Variants in MTFR1 observed in about 807,000 individuals in gnomAD.
MTFR1 encodes mitochondrial fission regulator 1, also known as chondrocyte protein with a poly-proline region.
A neutral mutation model predicts 38.8 loss-of-function variants in MTFR1; 28 were observed. That is an observed-to-expected ratio of 0.72 (90% CI 0.53 to 0.99). The LOEUF is 0.99. Ranked by LOEUF, MTFR1 falls within the 50% of genes least tolerant of loss-of-function variation. The pLI is 0.00. For synonymous variants in MTFR1, 145 were observed against 137.0 expected (o/e 1.06, Z -0.41); for missense variants, 358 against 395.5 (o/e 0.91, Z 0.81).
chr8:65,717,473 A>T (rs1458901344), intron 2 of MTFR1: 1 of 151,992 alleles, frequency 6.6e-6, no homozygotes, highest in African/African-American at 2.4e-5. Flanking sequence ...CTCAAAGCTG[A>T]CCTCTCCCCT....
chr8:65,700,619 G>A (rs1032485324), intron 4 of MTFR1, among the ~76,000 whole-genome samples: 2 of 152,082 alleles, frequency 1.3e-5, no homozygotes, highest in Non-Finnish European at 2.9e-5. Flanking sequence ...TAAGGAGAAC[G>A]TATAGTCTGT....
chr8:65,674,862 GT>G (rs1237739402), intron 2 of MTFR1, among the ~76,000 whole-genome samples: 2 of 152,138 alleles, frequency 1.3e-5, no homozygotes, highest in Non-Finnish European at 2.9e-5. Flanking sequence ...GGTTCAGAGT[GT>G]TTAACTGCCT....
At chr8:65,698,978 T>C (rs1246606348) in intron 4 of MTFR1, among the ~76,000 whole-genome samples, 1 of 152,188 alleles carries the variant, frequency 6.6e-6, no homozygotes, top group African/African-American at 2.4e-5. Flanking sequence ...GTCACCTGCC[T>C]TGGCCTCCCA....
intron 1 of MTFR1, among the ~76,000 whole-genome samples, chr8:65,646,363 T>C (rs1808965484): frequency 6.6e-6 from 1 of 152,308 alleles, no homozygotes; most frequent in South Asian, 2.1e-4. Context: ...CTTGCTCTTT[T>C]AACTGTAACA....
intron 4 of MTFR1, among the ~76,000 whole-genome samples, chr8:65,704,450 G>A (rs1347916111): frequency 1.3e-5 from 2 of 152,164 alleles, no homozygotes; most frequent in Non-Finnish European, 2.9e-5. Context: ...TGATGGAGTT[G>A]GTTTGTGCAT....
intron 3 of MTFR1, among the ~76,000 whole-genome samples, chr8:65,743,465 G>A (rs563846775): frequency 6.6e-6 from 1 of 152,324 alleles, no homozygotes; most frequent in Non-Finnish European, 1.5e-5. Flanking sequence ...AGGGAGGCAG[G>A]AGGGTGGCTC....
chr8:65,648,950 G>T lies in MTFR1; in HGVS notation c.-81+4166G>T, dbSNP rs1809042107. 2.0e-5 allele frequency among the ~76,000 whole-genome samples: 3 copies of T among 151,754 alleles called. No individual in the cohort carries two copies. In the South Asian group the frequency reaches 6.3e-4, roughly 32 times the overall value. On this transcript the variant is annotated intron_variant, in intron 1 of 7. Coordinates refer to ENST00000262146, the MANE Select transcript of MTFR1 (RefSeq NM_014637.4). ...CCCTCCCTTGGTTACTTTTTGAAAT[G>T]GCCGATTTGATATATAGTCGGCCTT...
chr8:65,690,830 T>C (rs894400593), intron 3 of MTFR1, among the ~76,000 whole-genome samples: 15 of 152,192 alleles, frequency 9.9e-5, no homozygotes, highest in Non-Finnish European at 7.3e-5. Flanking sequence ...CTAACACTTA[T>C]ACAAAACAGC....
At chr8:65,695,451 G>A (rs1367056998) in intron 4 of MTFR1, among the ~76,000 whole-genome samples, 1 of 152,048 alleles carries the variant, frequency 6.6e-6, no homozygotes, top group African/African-American at 2.4e-5. Flanking sequence ...CCACCTCCCG[G>A]GTTCTATCAA....
downstream of MTFR1, among the ~76,000 whole-genome samples, chr8:65,713,452 AC>A (rs1806011918): frequency 7.7e-6 from 1 of 129,360 alleles, no homozygotes; most frequent in African/African-American, 3.0e-5. Flanking sequence ...ACACACACAC[AC>A]ACACACACAC....
intron 1 of MTFR1, among the ~76,000 whole-genome samples, chr8:65,645,492 T>C (rs527537317): frequency 6.6e-6 from 1 of 152,350 alleles, no homozygotes; most frequent in South Asian, 2.1e-4. Context: ...CCAGTTTCAG[T>C]AATTATCAAT....
chr8:65,739,725 A>G (rs909913612), intron 3 of MTFR1: 13 of 988,744 alleles, frequency 1.3e-5, no homozygotes, highest in African/African-American at 3.4e-5. Context: ...TGTCTATCAA[A>G]AATATGCATC....
At chr8:65,760,141 G>A (rs1030141002) in intron 3 of MTFR1, among the ~76,000 whole-genome samples, 1 of 152,148 alleles carries the variant, frequency 6.6e-6, no homozygotes, top group Non-Finnish European at 1.5e-5. Flanking sequence ...TTGAGAGGCT[G>A]AAACAGGAGA....
At chr8:65,711,232 C>A (rs1805935021), downstream of MTFR1, among the ~76,000 whole-genome samples, 2 of 152,160 alleles carry the variant, frequency 1.3e-5, no homozygotes, top group South Asian at 2.1e-4. Context: ...GTAGGACTTG[C>A]AGTCTTTAGT....
intron 3 of MTFR1, among the ~76,000 whole-genome samples, chr8:65,688,155 C>T (rs1224767437): frequency 6.8e-6 from 1 of 146,952 alleles, no homozygotes; most frequent in Non-Finnish European, 1.5e-5. Context: ...AATCCCAGCA[C>T]TTTGGAAGGC....
At chr8:65,744,127 C>T (rs927159098) in intron 3 of MTFR1, among the ~76,000 whole-genome samples, 1 of 152,140 alleles carries the variant, frequency 6.6e-6, no homozygotes, top group South Asian at 2.1e-4. Context: ...GCCACCACGC[C>T]CAGCCTAGCT....
intron 3 of MTFR1, among the ~76,000 whole-genome samples, chr8:65,731,986 A>ATTATTATTG (rs1057343677): frequency 7.2e-6 from 1 of 138,666 alleles, no homozygotes; most frequent in Non-Finnish European, 1.6e-5. Context: ...TATTATTATT[A>ATTATTATTG]TTGTTGTTGT....
chr8:65,696,281 A>C (rs528559839), intron 4 of MTFR1, among the ~76,000 whole-genome samples: 1 of 152,380 alleles, frequency 6.6e-6, no homozygotes, highest in East Asian at 1.9e-4. Context: ...TTGCAGGATT[A>C]GCAGGTAAAG....
intron 3 of MTFR1, among the ~76,000 whole-genome samples, chr8:65,752,167 C>T (rs1190564096): frequency 6.6e-6 from 1 of 152,184 alleles, no homozygotes; most frequent in African/African-American, 2.4e-5. Flanking sequence ...CTTCTTTCCC[C>T]TTTCCTCTTC....
Sources: gnomAD v4.1 joint callset for allele counts (sites outside exome capture counted in the v4.1 genomes callset) on GRCh38, gnomAD v4.1.1 for gene constraint, MANE v1.5 for transcripts, NCBI Gene and HGNC (gene_info 2026-07-23, HGNC 2026-07-21) for gene names.